The following GREM2 variants were observed in gnomAD, a reference collection of about 807,000 sequenced individuals.
GREM2 encodes gremlin 2, DAN family BMP antagonist.
GREM2 carries 11 observed loss-of-function variants against 14.2 expected under a neutral mutation model. The observed-to-expected ratio is 0.78, with a 90% CI of 0.49 to 1.28. The LOEUF (loss-of-function observed/expected upper bound fraction) is 1.28, where lower values mean the gene tolerates loss of function less well. GREM2 is among the 50% of genes most tolerant of loss of function. GREM2 has a pLI of 0.00. For missense variants in GREM2, 210 were observed against 218.5 expected (o/e 0.96, Z 0.24); for synonymous variants, 98 against 97.6 (o/e 1.00, Z -0.02).
intron 1 of GREM2, among the ~76,000 whole-genome samples, chr1:240,527,191 C>T (rs991524867): frequency 1.3e-5 from 2 of 151,746 alleles, no homozygotes; most frequent in African/African-American, 4.8e-5. Context: ...ATCTCAGCAG[C>T]CCAGATATAA....
intron 1 of GREM2, among the ~76,000 whole-genome samples, chr1:240,520,177 C>A (rs181738594): frequency 6.6e-6 from 1 of 152,176 alleles, no homozygotes; most frequent in Non-Finnish European, 1.5e-5. Context: ...CTCAAACTTA[C>A]TTCTTCAGTA....
At chr1:240,555,174 G>T (rs533125233) in intron 1 of GREM2, among the ~76,000 whole-genome samples, 1 of 138,678 alleles carries the variant, frequency 7.2e-6, no homozygotes, top group Non-Finnish European at 1.6e-5. Context: ...AAGAAAGAAA[G>T]AAAAAAGAAT....
chr1:240,506,974 G>T (rs1220827462), intron 1 of GREM2, among the ~76,000 whole-genome samples: 2 of 152,196 alleles, frequency 1.3e-5, no homozygotes, highest in Admixed American at 1.3e-4. Flanking sequence ...AATGAAGAAG[G>T]GGGACATCTA....
intron 1 of GREM2, among the ~76,000 whole-genome samples, chr1:240,521,539 C>CCA (rs1678097741): frequency 1.3e-5 from 2 of 152,060 alleles, no homozygotes; most frequent in African/African-American, 4.8e-5. Flanking sequence ...CCACTGCACT[C>CCA]CAGCCTGGGC....
chr1:240,522,867 T>C (rs929520525), intron 1 of GREM2, among the ~76,000 whole-genome samples: 2 of 152,022 alleles, frequency 1.3e-5, no homozygotes, highest in South Asian at 2.1e-4. Flanking sequence ...AAATCACAGG[T>C]AAATCACAAG....
intron 1 of GREM2, among the ~76,000 whole-genome samples, chr1:240,596,104 G>C (rs948631800): frequency 6.6e-5 from 10 of 152,080 alleles, no homozygotes; most frequent in African/African-American, 2.2e-4. Context: ...TATTGTGTAG[G>C]CTGAATGATC....
intron 1 of GREM2, among the ~76,000 whole-genome samples, chr1:240,544,989 T>C (rs577844378): frequency 6.6e-6 from 1 of 152,356 alleles, no homozygotes; most frequent in Non-Finnish European, 1.5e-5. Context: ...TATTTGGTCC[T>C]CCACCTAGTT....
At chr1:240,584,649 G>T (rs1276618572) in intron 1 of GREM2, among the ~76,000 whole-genome samples, 1 of 152,122 alleles carries the variant, frequency 6.6e-6, no homozygotes, top group Non-Finnish European at 1.5e-5. Flanking sequence ...GGATAAGGCT[G>T]CAGTGAGCCA....
chr1:240,605,687 T>C (rs2102874290), intron 1 of GREM2, among the ~76,000 whole-genome samples: 2 of 152,060 alleles, frequency 1.3e-5, no homozygotes, highest in African/African-American at 4.8e-5. Context: ...TTCTTCTGCT[T>C]GAGCAAGAAT....
At chr1:240,547,643 C>T (rs1201813686) in intron 1 of GREM2, among the ~76,000 whole-genome samples, 2 of 151,398 alleles carry the variant, frequency 1.3e-5, no homozygotes, top group Non-Finnish European at 2.9e-5. Flanking sequence ...TTAAGAATCT[C>T]CAATGCCAGA....
intron 1 of GREM2, among the ~76,000 whole-genome samples, chr1:240,573,806 C>A (rs561485513): frequency 1.3e-5 from 2 of 152,164 alleles, no homozygotes; most frequent in African/African-American, 2.4e-5. Context: ...CAGCCTGGGA[C>A]CTTCCATAGC....
At chr1:240,607,439 C>T (rs1680049519) in intron 1 of GREM2, among the ~76,000 whole-genome samples, 1 of 152,130 alleles carries the variant, frequency 6.6e-6, no homozygotes, top group African/African-American at 2.4e-5. Context: ...TCAAAGTTTA[C>T]ATTCTCTGAG....
chr1:240,567,530 T>C (rs143761784), intron 1 of GREM2, among the ~76,000 whole-genome samples: 102 of 152,266 alleles, frequency 6.7e-4, no homozygotes, highest in African/African-American at 2.3e-3. Context: ...CTTTAAAGTA[T>C]TGAAAGCAAA....
At chr1:240,570,125 T>G in intron 1 of GREM2, among the ~76,000 whole-genome samples, 1 of 152,172 alleles carries the variant, frequency 6.6e-6, no homozygotes, top group East Asian at 1.9e-4. Context: ...TGAAATGTTT[T>G]TACTGGAAAG....
chr1:240,600,448 C>T (rs1018137395), intron 1 of GREM2, among the ~76,000 whole-genome samples: 3 of 152,040 alleles, frequency 2.0e-5, no homozygotes, highest in Admixed American at 6.6e-5. Context: ...CAGTTCTATC[C>T]GGTTTTTACC....
Position 240,519,297 on chromosome 1 carries a change from TG to T in GREM2, c.-1-25822del, listed in dbSNP as rs201922774. The stretch of plus-strand genomic sequence containing the variant: ...ATAGGTAGCTCCTTGCTAATGTCAC[TG>T]TTTGAATTGATTCTACTATCACAAC... On this transcript the variant is annotated intron_variant, in intron 1 of 1. Coordinates refer to ENST00000318160, the MANE Select transcript of GREM2 (RefSeq NM_022469.4). Among the ~76,000 whole-genome samples the T allele has an allele frequency of 5.3e-5, 8 of 152,308 alleles. No homozygotes were observed. The East Asian group carries it at 1.5e-3, about 29-fold the overall frequency.
intron 1 of GREM2, among the ~76,000 whole-genome samples, chr1:240,587,481 C>T (rs1022887640): frequency 1.3e-4 from 19 of 151,800 alleles, no homozygotes; most frequent in African/African-American, 4.4e-4. Context: ...GCCACTGTGA[C>T]TGGCTAATTT....
At chr1:240,494,276 TG>T (rs1401391255) in intron 1 of GREM2, among the ~76,000 whole-genome samples, 1 of 152,162 alleles carries the variant, frequency 6.6e-6, no homozygotes, top group African/African-American at 2.4e-5. Flanking sequence ...AAACTGAGGC[TG>T]GGGCCCACAG....
intron 1 of GREM2, among the ~76,000 whole-genome samples, chr1:240,517,703 A>G (rs1021847134): frequency 2.0e-5 from 3 of 152,198 alleles, no homozygotes; most frequent in African/African-American, 7.2e-5. Context: ...CATGGCATGC[A>G]TGTACAAGCA....
Sources: allele counts gnomAD v4.1 joint callset (sites outside exome capture counted in the v4.1 genomes callset), GRCh38; gene constraint gnomAD v4.1.1; transcripts MANE v1.5; gene names NCBI Gene and HGNC (gene_info 2026-07-23, HGNC 2026-07-21).